Variants in AKAP19 observed in about 807,000 individuals in gnomAD.
AKAP19 encodes the protein small A-kinase anchoring protein.
the AKAP19 span, among the ~76,000 whole-genome samples, chr2:190,169,246 G>A: frequency 6.6e-6 from 1 of 152,064 alleles, no homozygotes; most frequent in Admixed American, 6.6e-5. Flanking sequence ...GAACAGCACA[G>A]GAAAGACCTG....
the AKAP19 span, among the ~76,000 whole-genome samples, chr2:189,990,342 A>T: frequency 6.6e-6 from 1 of 152,202 alleles, no homozygotes; most frequent in South Asian, 2.1e-4. Flanking sequence ...ATTCCAAATC[A>T]TATTGGATTT....
chr2:190,196,688 A>G, the AKAP19 span, among the ~76,000 whole-genome samples: 1 of 152,088 alleles, frequency 6.6e-6, no homozygotes, highest in South Asian at 2.1e-4. Context: ...AAAGAGGATT[A>G]TTTCTGTTTG....
the AKAP19 span, among the ~76,000 whole-genome samples, chr2:189,889,057 T>C: frequency 6.6e-6 from 1 of 152,182 alleles, no homozygotes; most frequent in African/African-American, 2.4e-5. Flanking sequence ...TTCAGTATGA[T>C]ATTGGCTGTG....
chr2:189,923,199 G>T, the AKAP19 span: 58 of 739,584 alleles, frequency 7.8e-5, 1 homozygote, highest in South Asian at 1.0e-3. Context: ...AAGACTGAGC[G>T]GTTGCGGCCG....
the AKAP19 span, among the ~76,000 whole-genome samples, chr2:190,034,102 TAAA>T: frequency 2.0e-5 from 1 of 50,102 alleles, no homozygotes; most frequent in African/African-American, 6.6e-5. Flanking sequence ...ATTATATAAA[TAAA>T]AAATTATAAA....
At chr2:189,995,990 A>G in the AKAP19 span, among the ~76,000 whole-genome samples, 1 of 152,124 alleles carries the variant, frequency 6.6e-6, no homozygotes, top group African/African-American at 2.4e-5. Context: ...ATTTTCCTTT[A>G]TAGGTTACCT....
the AKAP19 span, among the ~76,000 whole-genome samples, chr2:190,196,223 A>C: frequency 6.6e-6 from 1 of 151,824 alleles, no homozygotes; most frequent in Non-Finnish European, 1.5e-5. Context: ...TACTTGCATT[A>C]TCTCTTTAGT....
At chr2:190,110,530 A>T in the AKAP19 span, among the ~76,000 whole-genome samples, 1 of 152,236 alleles carries the variant, frequency 6.6e-6, no homozygotes, top group East Asian at 1.9e-4. Context: ...GATTCTGCTC[A>T]GATGTAAGGT....
chr2:189,923,960 A>G, the AKAP19 span: 1 of 1,608,820 alleles, frequency 6.2e-7, no homozygotes, highest in South Asian at 1.1e-5. Flanking sequence ...AAAGGAACAG[A>G]GCAAACAAGC....
the AKAP19 span, among the ~76,000 whole-genome samples, chr2:189,978,675 A>G: frequency 6.6e-6 from 1 of 152,290 alleles, no homozygotes; most frequent in East Asian, 1.9e-4. Context: ...TTCTGCATTA[A>G]TTCACTTAGG....
chr2:190,160,710 T>TG, the AKAP19 span, among the ~76,000 whole-genome samples: 10 of 151,546 alleles, frequency 6.6e-5, no homozygotes, highest in Non-Finnish European at 1.5e-4. Flanking sequence ...GATTTTTTTT[T>TG]AAAAAAGAAG....
At chr2:189,935,279 A>G in the AKAP19 span, among the ~76,000 whole-genome samples, 2,756 of 151,586 alleles carry the variant, frequency 0.018, 78 homozygotes, top group African/African-American at 0.064. Flanking sequence ...GAGTTCAGAC[A>G]TATATTTAGA....
the AKAP19 span, among the ~76,000 whole-genome samples, chr2:190,143,208 T>C: frequency 6.6e-6 from 1 of 151,386 alleles, no homozygotes; most frequent in Admixed American, 6.6e-5. Context: ...TCTAGTCATG[T>C]GTAACTGCTG....
At chr2:190,035,754 T>A in the AKAP19 span, among the ~76,000 whole-genome samples, 1 of 152,248 alleles carries the variant, frequency 6.6e-6, no homozygotes, top group Non-Finnish European at 1.5e-5. Context: ...ATCAGTAATT[T>A]ATTTCTTGTT....
At chr2:190,167,454 A>G in the AKAP19 span, among the ~76,000 whole-genome samples, 1 of 152,130 alleles carries the variant, frequency 6.6e-6, no homozygotes, top group East Asian at 1.9e-4. Context: ...TTCAAAACCA[A>G]TCATGCCTTC....
chr2:190,013,603 C>A, the AKAP19 span, among the ~76,000 whole-genome samples: 2 of 152,112 alleles, frequency 1.3e-5, no homozygotes, highest in Non-Finnish European at 2.9e-5. Context: ...GCAAGCTCCA[C>A]CTCCTGGGTT....
At chr2:190,004,165 C>T in the AKAP19 span, among the ~76,000 whole-genome samples, 2 of 151,838 alleles carry the variant, frequency 1.3e-5, no homozygotes, top group Non-Finnish European at 1.5e-5. Flanking sequence ...GGAGATATAC[C>T]TAATGCTAAA....
the AKAP19 span, among the ~76,000 whole-genome samples, chr2:189,979,596 A>C: frequency 1.3e-5 from 2 of 152,182 alleles, no homozygotes; most frequent in Non-Finnish European, 2.9e-5. Context: ...AATTAAACTA[A>C]GGCATCTCTG....
the AKAP19 span, among the ~76,000 whole-genome samples, chr2:190,035,090 A>G: frequency 1.6e-4 from 25 of 152,190 alleles, no homozygotes; most frequent in African/African-American, 5.5e-4. Context: ...AATGTAATGT[A>G]TTCATTTTAA....
Sources: gnomAD v4.1 joint callset for allele counts (sites outside exome capture counted in the v4.1 genomes callset) on GRCh38, gnomAD v4.1.1 for gene constraint, MANE v1.5 for transcripts, NCBI Gene and HGNC (gene_info 2026-07-23, HGNC 2026-07-21) for gene names.